The following AK3 variants were observed in gnomAD, a reference collection of about 807,000 sequenced individuals.
AK3 encodes adenylate kinase 3.
Under a neutral mutation model 23.7 loss-of-function variants are expected in AK3, and 27 were observed. That is an observed-to-expected ratio of 1.14 (90% confidence interval 0.84 to 1.57). The LOEUF (loss-of-function observed/expected upper bound fraction) is 1.57, where lower values mean the gene tolerates loss of function less well. Among genes scored for constraint, AK3 ranks in the 40% most tolerant of loss-of-function variants. The pLI is 0.00. For synonymous variants in AK3, 159 were observed against 116.0 expected (o/e 1.37, Z -2.38); for missense variants, 406 against 285.6 (o/e 1.42, Z -3.04).
chr9:4,717,979 T>A (rs982986031), intron 4 of AK3, among the ~76,000 whole-genome samples: 1 of 152,232 alleles, frequency 6.6e-6, no homozygotes, highest in African/African-American at 2.4e-5. Flanking sequence ...CAATGACTGG[T>A]TCTGCAGTAG....
chr9:4,735,410 TATATATACATATATAA>T lies in AK3; in HGVS notation c.151+5511_151+5526del, dbSNP rs1441113421. The stretch of plus-strand genomic sequence containing the variant: ...ATATAAATATATATACATATATAAA[TATATATACATATATAA>T]ATATATATATACATATATAAATATA... On this transcript the variant is annotated intron_variant, in intron 1 of 4. Coordinates refer to ENST00000381809, the MANE Select transcript of AK3 (RefSeq NM_016282.4). 1.9e-3 allele frequency among the ~76,000 whole-genome samples: 245 copies of T among 128,198 alleles called. 2 individuals are homozygous for T. The highest frequency in any genetic ancestry group is 7.4e-3 in the Middle Eastern group (2 of 272). The allele number at this position is 128,198 out of a possible 152,430, so 84.1% of individuals were successfully genotyped here. A position where few individuals can be genotyped will look rare whatever the true frequency, so the allele number is the denominator to read the frequency against.
In AK3 at chr9:4,711,631, T is replaced by C. The variant is rs1413030564; in HGVS notation, c.*1345A>G. On this transcript the variant is annotated 3_prime_UTR_variant, in exon 5 of 5. Transcript: ENST00000381809. ...GACTTGTAAGACGGCTTGTTTCATTTGATTTGGCACGAAGTAAAGTAAGAG... is the reference window on the plus strand; with the variant it reads ...GACTTGTAAGACGGCTTGTTTCATTCGATTTGGCACGAAGTAAAGTAAGAG... The C allele has an allele frequency of 6.6e-6, 1 of 152,308 alleles. No individual in the cohort carries two copies. Among genetic ancestry groups the C allele is most frequent in the African/African-American group, 2.4e-5 (1 of 41,470 alleles). 9.4% of individuals were successfully genotyped at this position (152,308 alleles called of 1,614,324 possible).
At chr9:4,738,889 A>T (rs1316082178) in intron 1 of AK3, among the ~76,000 whole-genome samples, 1 of 150,166 alleles carries the variant, frequency 6.7e-6, no homozygotes, top group Non-Finnish European at 1.5e-5. Flanking sequence ...CTCCCACCTC[A>T]GCCTCCAGAG....
At chr9:4,738,717 A>G (rs1194349663) in intron 1 of AK3, among the ~76,000 whole-genome samples, 1 of 150,904 alleles carries the variant, frequency 6.6e-6, no homozygotes, top group Non-Finnish European at 1.5e-5. Context: ...TTACATTTGC[A>G]TGAAATAGAT....
Position 4,712,874 on chromosome 9 carries a change from C to G in AK3, c.*102G>C. 7.7e-7 allele frequency: 1 copy of G among 1,303,556 alleles called. No individual in the cohort carries two copies. The highest frequency in any genetic ancestry group is 1.0e-6 in the Non-Finnish European group (1 of 960,982). The allele number at this position is 1,303,556 out of a possible 1,614,324, so 80.7% of individuals were successfully genotyped here. On this transcript the variant is annotated 3_prime_UTR_variant, in exon 5 of 5. Coordinates refer to ENST00000381809, the MANE Select transcript of AK3 (RefSeq NM_016282.4). ...GTAGAAATAAAAGTAATATAATTTT[C>G]AAAGAATTCATACATACTAGAAGTC... is the stretch of plus-strand genomic sequence containing the variant.
At chr9:4,718,720 G>C (rs746025839) in intron 3 of AK3, among the ~76,000 whole-genome samples, 183 bp from the exon 4 acceptor site, 7 of 152,176 alleles carry the variant, frequency 4.6e-5, no homozygotes, top group African/African-American at 1.7e-4. Context: ...GGGTACGCCA[G>C]TTTCATTTCT....
Position 4,728,860 on chromosome 9 carries a change from T to TACACACACAC in AK3, c.152-6236_152-6235insGTGTGTGTGT, listed in dbSNP as rs1473100751. ...ATATATATATATATATATATATATA[T>TACACACACAC]ATATATACACACACACACACACATA... On this transcript the variant is annotated intron_variant, in intron 1 of 4. Coordinates refer to ENST00000381809, the MANE Select transcript of AK3 (RefSeq NM_016282.4). 6.6e-3 allele frequency among the ~76,000 whole-genome samples: 481 copies of TACACACACAC among 72,928 alleles called. 3 individuals carry two copies. Among genetic ancestry groups the TACACACACAC allele is most frequent in the African/African-American group, 0.019 (436 of 22,736 alleles). 47.8% of individuals were successfully genotyped at this position (72,928 alleles called of 152,430 possible). A position where few individuals can be genotyped will look rare whatever the true frequency, so the allele number is the denominator to read the frequency against.
At chr9:4,734,522 A>G (rs934113181) in intron 1 of AK3, among the ~76,000 whole-genome samples, 1 of 152,226 alleles carries the variant, frequency 6.6e-6, no homozygotes, top group African/African-American at 2.4e-5. Flanking sequence ...GGACAGATGG[A>G]TGAAGAGATG....
At chr9:4,740,056 C>T (rs1302509533) in intron 1 of AK3, among the ~76,000 whole-genome samples, 4 of 85,614 alleles carry the variant, frequency 4.7e-5, no homozygotes, top group African/African-American at 1.9e-4. Flanking sequence ...GTTTGCTATC[C>T]TTACAAAAAA....
At position 4,740,075 on chromosome 9, in the gene AK3, AAAG is replaced by A. The variant is rs1254787318; in HGVS notation, c.151+859_151+861del. On this transcript the variant is annotated intron_variant, in intron 1 of 4. Transcript: ENST00000381809. ...GCTATCCTTACAAAAAAAAAAAAAA[AAAG>A]AAGGAAAACAAAAGAAAAAGGCCTT... Among the ~76,000 whole-genome samples, 350 of 141,412 alleles carry A rather than the reference AAAG, an allele frequency of 2.5e-3. 4 individuals are homozygous for A. Among genetic ancestry groups the A allele is most frequent in the Non-Finnish European group, 4.1e-3 (274 of 66,766 alleles). The allele number at this position is 141,412 out of a possible 152,430, so 92.8% of individuals were successfully genotyped here.
chr9:4,719,362 G>T, intron 2 of AK3, 55 bp from the exon 3 acceptor site: 1 of 962,480 alleles, frequency 1.0e-6, no homozygotes, highest in East Asian at 3.3e-5. Context: ...GTATGGGGTG[G>T]GGGTGGGGCG....
chr9:4,737,612 C>T (rs79635667), intron 1 of AK3, among the ~76,000 whole-genome samples: 1 of 152,074 alleles, frequency 6.6e-6, no homozygotes. Flanking sequence ...TACCTGAGTT[C>T]GGAAGCTGAA....
chr9:4,735,272 T>C (rs1371101777), intron 1 of AK3, among the ~76,000 whole-genome samples: 2 of 8,386 alleles, frequency 2.4e-4, no homozygotes, highest in African/African-American at 1.3e-3. Flanking sequence ...AATATATATA[T>C]AAATATATAT....
Position 4,712,810 on chromosome 9 carries a change from G to A in AK3, c.*166C>T, listed in dbSNP as rs1056061143. 1.4e-5 allele frequency: 10 copies of A among 690,400 alleles called. No individual in the cohort carries two copies. The highest frequency in any genetic ancestry group is 1.3e-4 in the Admixed American group (4 of 31,390). 42.8% of individuals were successfully genotyped at this position (690,400 alleles called of 1,614,324 possible). On this transcript the variant is annotated 3_prime_UTR_variant, in exon 5 of 5. Coordinates refer to ENST00000381809, the MANE Select transcript of AK3 (RefSeq NM_016282.4). Reference sequence around the variant, plus strand: ...TTTCAAACGATGCATCTTAGTATCCGAATCATTTGGCACATCCTTAGTATC... The same window carrying A: ...TTTCAAACGATGCATCTTAGTATCCAAATCATTTGGCACATCCTTAGTATC...
At chr9:4,741,324 G>T (rs1217281464), upstream of AK3, 1 of 387,128 alleles carries the variant, frequency 2.6e-6, no homozygotes, top group African/African-American at 2.1e-5. Flanking sequence ...CCGACCGAGC[G>T]CCTGTTCCCG....
intron 1 of AK3, among the ~76,000 whole-genome samples, chr9:4,723,239 A>G (rs936300262): frequency 7.9e-5 from 12 of 152,356 alleles, no homozygotes; most frequent in Non-Finnish European, 1.8e-4. Flanking sequence ...TTTTGAAAAT[A>G]TATATGTACT....
intron 1 of AK3, among the ~76,000 whole-genome samples, chr9:4,728,860 T>TACAC (rs1473100751): frequency 1.1e-4 from 8 of 73,056 alleles, no homozygotes; most frequent in African/African-American, 3.5e-4. Context: ...TATATATATA[T>TACAC]ATATATACAC....
In AK3 at chr9:4,738,814, C is replaced by T. The variant is rs113927806; in HGVS notation, c.151+2123G>A. Among the ~76,000 whole-genome samples, 637 of 142,666 alleles carry T rather than the reference C, an allele frequency of 4.5e-3. 4 individuals carry two copies. Among genetic ancestry groups the T allele is most frequent in the African/African-American group, 0.016 (615 of 37,992 alleles). The allele number at this position is 142,666 out of a possible 152,430, so 93.6% of individuals were successfully genotyped here. On this transcript the variant is annotated intron_variant, in intron 1 of 4. Transcript: ENST00000381809. ...ACAGGGTATCACTCTGTCTGTCACCCAGCTTGGAGTGTAGTAGCACAATCT... is the reference window on the plus strand; with the variant it reads ...ACAGGGTATCACTCTGTCTGTCACCTAGCTTGGAGTGTAGTAGCACAATCT...
intron 2 of AK3, among the ~76,000 whole-genome samples, chr9:4,720,255 C>T (rs1157334500): frequency 3.9e-5 from 6 of 152,184 alleles, no homozygotes; most frequent in Non-Finnish European, 5.9e-5. Context: ...TTCAGAAATA[C>T]ACCCAAGTAT....
Sources: allele counts gnomAD v4.1 joint callset (sites outside exome capture counted in the v4.1 genomes callset), GRCh38; gene constraint gnomAD v4.1.1; transcripts MANE v1.5; gene names NCBI Gene and HGNC (gene_info 2026-07-23, HGNC 2026-07-21).